The following KHDRBS2 variants were observed in gnomAD, a reference collection of about 807,000 sequenced individuals.
KHDRBS2 encodes KH domain-containing, RNA-binding, signal transduction-associated protein 2.
A neutral mutation model predicts 44.3 loss-of-function variants in KHDRBS2; 26 were observed. The observed-to-expected ratio is 0.59, with a 90% confidence interval of 0.43 to 0.81. The LOEUF is 0.81. Ranked by LOEUF, KHDRBS2 falls within the 40% of genes least tolerant of loss-of-function variation. KHDRBS2 has a pLI of 0.00. For synonymous variants in KHDRBS2, 194 were observed against 151.1 expected, an observed-to-expected ratio of 1.28 and a Z score of -2.08; for missense variants, 476 against 433.1, an observed-to-expected ratio of 1.10 and a Z score of -0.88.
intron 6 of KHDRBS2, among the ~76,000 whole-genome samples, chr6:61,849,259 G>A (rs534728685): frequency 1.3e-5 from 2 of 152,118 alleles, no homozygotes; most frequent in East Asian, 3.9e-4. Flanking sequence ...AATATCACTG[G>A]TTCTCTAATT....
the KHDRBS2 span, among the ~76,000 whole-genome samples, chr6:61,582,806 C>A: frequency 0.59 from 89,455 of 151,154 alleles, 26,661 homozygotes; most frequent in Non-Finnish European, 0.61. Flanking sequence ...TTTCTCTAGA[C>A]CTCATTTTAC....
chr6:62,220,802 T>C (rs1229716793), intron 1 of KHDRBS2, among the ~76,000 whole-genome samples: 2 of 151,762 alleles, frequency 1.3e-5, no homozygotes, highest in African/African-American at 2.4e-5. Flanking sequence ...AAAAACAGAA[T>C]ATGATAGATT....
chr6:61,697,888 C>T (rs886745557), intron 7 of KHDRBS2, among the ~76,000 whole-genome samples: 1 of 152,122 alleles, frequency 6.6e-6, no homozygotes, highest in Admixed American at 6.6e-5. Context: ...TCCACTTCCC[C>T]CTTTAAGGCA....
At chr6:61,553,326 T>C in the KHDRBS2 span, among the ~76,000 whole-genome samples, 4 of 152,098 alleles carry the variant, frequency 2.6e-5, no homozygotes, top group Admixed American at 2.0e-4. Flanking sequence ...GTTTTTTTGT[T>C]GTTATGGGGT....
intron 6 of KHDRBS2, among the ~76,000 whole-genome samples, chr6:61,772,154 G>A (rs1452380482): frequency 1.3e-5 from 2 of 152,078 alleles, no homozygotes; most frequent in Admixed American, 6.6e-5. Flanking sequence ...TGAACACATT[G>A]AACACATTGA....
intron 3 of KHDRBS2, among the ~76,000 whole-genome samples, chr6:61,998,363 C>T (rs1777609869): frequency 6.6e-6 from 1 of 152,102 alleles, no homozygotes; most frequent in African/African-American, 2.4e-5. Flanking sequence ...TCTTACACTC[C>T]TGAAAAATTC....
intron 2 of KHDRBS2, among the ~76,000 whole-genome samples, chr6:62,088,384 G>C (rs1798818585): frequency 6.6e-6 from 1 of 152,078 alleles, no homozygotes; most frequent in African/African-American, 2.4e-5. Context: ...TGGAGTTTTT[G>C]CATGGTCATT....
At position 61,967,959 on chromosome 6, in the gene KHDRBS2, C is replaced by CAT. The variant is rs1411385243; in HGVS notation, c.483+10106_483+10107insAT. ...ATATATATATATATATATATATATA[C>CAT]ACACACACACACATGCACACACACA... On this transcript the variant is annotated intron_variant, in intron 4 of 8. Transcript: ENST00000281156. Among the ~76,000 whole-genome samples the CAT allele has an allele frequency of 2.1e-3, 159 of 75,124 alleles. 1 individual carries two copies. Among genetic ancestry groups the CAT allele is most frequent in the African/African-American group, 6.3e-3 (149 of 23,786 alleles). 49.3% of individuals were successfully genotyped at this position (75,124 alleles called of 152,430 possible).
At chr6:61,800,710 C>A (rs900672209) in intron 6 of KHDRBS2, among the ~76,000 whole-genome samples, 1 of 152,088 alleles carries the variant, frequency 6.6e-6, no homozygotes, top group Admixed American at 6.6e-5. Flanking sequence ...ACCCTTATTT[C>A]TGACCTAAGA....
chr6:61,570,577 G>C, the KHDRBS2 span, among the ~76,000 whole-genome samples: 12 of 152,068 alleles, frequency 7.9e-5, no homozygotes, highest in East Asian at 2.1e-3. Flanking sequence ...AGAACACCTG[G>C]CAAATTCATC....
intron 1 of KHDRBS2, among the ~76,000 whole-genome samples, chr6:62,249,109 G>A (rs1342783718): frequency 1.3e-5 from 2 of 152,098 alleles, no homozygotes; most frequent in African/African-American, 4.8e-5. Flanking sequence ...ATGCTTTGAA[G>A]ATGTCCATTC....
the KHDRBS2 span, among the ~76,000 whole-genome samples, chr6:61,639,829 G>A: frequency 6.6e-6 from 1 of 152,096 alleles, no homozygotes; most frequent in African/African-American, 2.4e-5. Flanking sequence ...AAAATGGTGT[G>A]ACAACCTGGT....
intron 1 of KHDRBS2, among the ~76,000 whole-genome samples, chr6:62,184,426 A>G (rs1472328163): frequency 6.6e-6 from 1 of 151,808 alleles, no homozygotes; most frequent in East Asian, 1.9e-4. Context: ...AGAGTCTGTA[A>G]CAATTATCCC....
At chr6:61,567,650 C>CA in the KHDRBS2 span, among the ~76,000 whole-genome samples, 1 of 138,726 alleles carries the variant, frequency 7.2e-6, no homozygotes, top group Non-Finnish European at 1.6e-5. Flanking sequence ...TAAAACAAAA[C>CA]AAACAAACAA....
At chr6:61,586,589 G>A in the KHDRBS2 span, among the ~76,000 whole-genome samples, 1 of 152,110 alleles carries the variant, frequency 6.6e-6, no homozygotes, top group African/African-American at 2.4e-5. Flanking sequence ...ACTCTATAGA[G>A]GAATTAGAAT....
At chr6:61,547,477 C>T in the KHDRBS2 span, among the ~76,000 whole-genome samples, 6 of 152,004 alleles carry the variant, frequency 3.9e-5, no homozygotes, top group South Asian at 1.0e-3. Context: ...TTTGATGGAC[C>T]CAGCTAACAA....
rs371595813 is a variant in KHDRBS2, at chr6:61,945,150, T to TATATATACAC, written c.483+32915_483+32916insGTGTATATAT. On this transcript the variant is annotated intron_variant, in intron 4 of 8. Transcript: ENST00000281156. ...ATATATATATATATATATATATATATACACACAGACTTGTCTTGATAAAGT... is the reference window on the plus strand; with the variant it reads ...ATATATATATATATATATATATATATATATATACACACACACAGACTTGTCTTGATAAAGT... 4.0e-3 allele frequency among the ~76,000 whole-genome samples: 344 copies of TATATATACAC among 86,958 alleles called. 12 individuals carry two copies. Among genetic ancestry groups the TATATATACAC allele is most frequent in the Middle Eastern group, 7.5e-3 (1 of 134 alleles). The allele number at this position is 86,958 out of a possible 152,430, so 57.0% of individuals were successfully genotyped here. A position where few individuals can be genotyped will look rare whatever the true frequency, so the allele number is the denominator to read the frequency against.
intron 2 of KHDRBS2, among the ~76,000 whole-genome samples, chr6:62,110,472 C>A (rs1166378943): frequency 6.6e-6 from 1 of 151,960 alleles, no homozygotes; most frequent in Non-Finnish European, 1.5e-5. Context: ...GAACAAAGAA[C>A]CTGTAATATA....
intron 2 of KHDRBS2, among the ~76,000 whole-genome samples, chr6:62,080,354 T>A (rs1038488537): frequency 6.6e-6 from 1 of 152,134 alleles, no homozygotes; most frequent in Non-Finnish European, 1.5e-5. Flanking sequence ...TATTGACTTA[T>A]GTACCCAAGT....
Sources: gnomAD v4.1 joint callset for allele counts (sites outside exome capture counted in the v4.1 genomes callset) on GRCh38, gnomAD v4.1.1 for gene constraint, MANE v1.5 for transcripts, NCBI Gene and HGNC (gene_info 2026-07-23, HGNC 2026-07-21) for gene names.